LRRTM4: variants seen among roughly 807,000 people sequenced by gnomAD.
LRRTM4 encodes leucine rich repeat transmembrane neuronal 4.
In LRRTM4, 25 loss-of-function variants were observed where a neutral mutation model predicts 47.6. The observed-to-expected ratio is 0.53, with a 90% CI of 0.38 to 0.73. The LOEUF is 0.73. Among genes scored for constraint, LRRTM4 ranks in the 30% least tolerant of loss-of-function variants. The pLI, the probability that LRRTM4 is intolerant of heterozygous loss-of-function variation, is 0.00. For missense variants in LRRTM4, 638 were observed against 713.4 expected, an observed-to-expected ratio of 0.89 and a Z score of 1.20; for synonymous variants, 311 against 269.5, an observed-to-expected ratio of 1.15 and a Z score of -1.51.
chr2:77,493,038 T>C (rs995291428), intron 3 of LRRTM4, among the ~76,000 whole-genome samples: 1 of 152,038 alleles, frequency 6.6e-6, no homozygotes. Context: ...AACCTCATAG[T>C]AATAAATAAA....
chr2:77,384,234 T>A (rs868546012), intron 3 of LRRTM4, among the ~76,000 whole-genome samples: 47 of 152,014 alleles, frequency 3.1e-4, no homozygotes, highest in Middle Eastern at 3.6e-3. Context: ...TTTTTTTTTT[T>A]TAAAAATTCA....
At chr2:76,995,291 G>A (rs1483171185) in intron 3 of LRRTM4, among the ~76,000 whole-genome samples, 1 of 151,984 alleles carries the variant, frequency 6.6e-6, no homozygotes, top group Non-Finnish European at 1.5e-5. Context: ...TTCTGCCTTT[G>A]AATTCATGTT....
chr2:77,004,852 T>C (rs962699472), intron 3 of LRRTM4, among the ~76,000 whole-genome samples: 20 of 152,158 alleles, frequency 1.3e-4, no homozygotes, highest in African/African-American at 3.4e-4. Flanking sequence ...ATGTGAAACA[T>C]GGAGTCAAAG....
chr2:77,100,704 G>A (rs977600948), intron 3 of LRRTM4, among the ~76,000 whole-genome samples: 4 of 152,030 alleles, frequency 2.6e-5, no homozygotes, highest in African/African-American at 9.7e-5. Flanking sequence ...AATATGGACT[G>A]GGTATTGGGT....
chr2:76,940,622 T>G (rs887713551), intron 3 of LRRTM4, among the ~76,000 whole-genome samples: 1 of 152,156 alleles, frequency 6.6e-6, no homozygotes, highest in Non-Finnish European at 1.5e-5. Context: ...CAGGCACATG[T>G]ACCCCTGAAC....
intron 3 of LRRTM4, among the ~76,000 whole-genome samples, chr2:77,031,886 T>G (rs973392055): frequency 6.6e-6 from 1 of 152,182 alleles, no homozygotes; most frequent in Non-Finnish European, 1.5e-5. Context: ...CTTCTCTCCC[T>G]TCTTGTCCAT....
At chr2:76,882,232 T>G (rs1231525047) in intron 3 of LRRTM4, among the ~76,000 whole-genome samples, 1 of 152,150 alleles carries the variant, frequency 6.6e-6, no homozygotes, top group African/African-American at 2.4e-5. Flanking sequence ...GGTCTGTGGT[T>G]TGTGGCTTAC....
chr2:77,065,517 T>C (rs1411664966), intron 3 of LRRTM4, among the ~76,000 whole-genome samples: 2 of 152,284 alleles, frequency 1.3e-5, no homozygotes, highest in Admixed American at 6.5e-5. Context: ...AGCAAATAAA[T>C]ACCACTATTA....
intron 3 of LRRTM4, among the ~76,000 whole-genome samples, chr2:76,783,217 G>C (rs957485805): frequency 1.5e-4 from 23 of 152,100 alleles, no homozygotes; most frequent in Non-Finnish European, 3.1e-4. Flanking sequence ...CCCATAGTAA[G>C]CAGTAAGCTA....
At chr2:77,208,997 C>T (rs559405882) in intron 3 of LRRTM4, among the ~76,000 whole-genome samples, 76 of 152,126 alleles carry the variant, frequency 5.0e-4, no homozygotes, top group African/African-American at 1.8e-3. Context: ...GGTGAAATTT[C>T]ACCCCTTATC....
chr2:76,973,182 G>T (rs1323928448), intron 3 of LRRTM4, among the ~76,000 whole-genome samples: 1 of 151,972 alleles, frequency 6.6e-6, no homozygotes, highest in Non-Finnish European at 1.5e-5. Flanking sequence ...AGAGTTGGAA[G>T]ATCAGTGACA....
At chr2:76,875,528 GT>G (rs1672753144) in intron 3 of LRRTM4, among the ~76,000 whole-genome samples, 2 of 152,110 alleles carry the variant, frequency 1.3e-5, no homozygotes, top group Non-Finnish European at 2.9e-5. Context: ...AACTACATCA[GT>G]TAAGTAATTA....
In LRRTM4 at chr2:77,001,400, C is replaced by T. The variant is rs574976803; in HGVS notation, c.1552-252484G>A. On this transcript the variant is annotated intron_variant, in intron 3 of 3. Transcript: ENST00000409884. The stretch of plus-strand genomic sequence containing the variant: ...TCCCAATTCCCAGGAAAGTGATCTA[C>T]CTGCTACCTCAACAAGCCAACCATA... 5.3e-5 allele frequency among the ~76,000 whole-genome samples: 8 copies of T among 152,246 alleles called. No homozygotes were observed. In the South Asian group the frequency reaches 1.2e-3, roughly 24 times the overall value.
Position 76,931,112 on chromosome 2 carries a change from G to A in LRRTM4, c.1552-182196C>T, listed in dbSNP as rs144190103. Among the ~76,000 whole-genome samples, 493 of 151,782 alleles carry A rather than the reference G, an allele frequency of 3.2e-3. 4 individuals are homozygous for A. Among genetic ancestry groups the A allele is most frequent in the African/African-American group, 0.011 (465 of 41,404 alleles). On this transcript the variant is annotated intron_variant, in intron 3 of 3. Transcript: ENST00000409884. ...AAGGCCATGGGATTATGGAACAAAAGCAATGAGAAAGAAAGAAAGAAAAAA... is the reference window on the plus strand; with the variant it reads ...AAGGCCATGGGATTATGGAACAAAAACAATGAGAAAGAAAGAAAGAAAAAA...
At chr2:77,486,292 AAATTGCATATGTT>A (rs1429017296) in intron 3 of LRRTM4, among the ~76,000 whole-genome samples, 1 of 152,236 alleles carries the variant, frequency 6.6e-6, no homozygotes, top group Non-Finnish European at 1.5e-5. Flanking sequence ...TAAATTTTAA[AAATTGCATATGTT>A]ATCCTTTCCT....
At chr2:76,845,798 G>C (rs1460985576) in intron 3 of LRRTM4, among the ~76,000 whole-genome samples, 1 of 152,082 alleles carries the variant, frequency 6.6e-6, no homozygotes. Context: ...GTAAGGAATA[G>C]GGAGAGGGTG....
intron 3 of LRRTM4, among the ~76,000 whole-genome samples, chr2:76,953,003 G>A (rs1007699866): frequency 6.6e-6 from 1 of 151,752 alleles, no homozygotes; most frequent in African/African-American, 2.4e-5. Context: ...ATAAATATGG[G>A]AGCAATAGAC....
At chr2:77,477,891 GAAAAAGAAAGAAAA>G (rs1677475756) in intron 3 of LRRTM4, among the ~76,000 whole-genome samples, 1 of 99,546 alleles carries the variant, frequency 1.0e-5, no homozygotes, top group African/African-American at 3.7e-5. Flanking sequence ...GAGAAAGAAA[GAAAAAGAAAGAAAA>G]AGAAAGAAAG....
intron 3 of LRRTM4, among the ~76,000 whole-genome samples, chr2:77,149,600 A>G (rs182795038): frequency 2.0e-5 from 3 of 152,354 alleles, no homozygotes; most frequent in Non-Finnish European, 4.4e-5. Context: ...AGGGGCATAA[A>G]AAAGCTGTTT....
Sources: allele counts gnomAD v4.1 joint callset (sites outside exome capture counted in the v4.1 genomes callset), GRCh38; gene constraint gnomAD v4.1.1; transcripts MANE v1.5; gene names NCBI Gene and HGNC (gene_info 2026-07-23, HGNC 2026-07-21).